The following SHANK2 variants were observed in gnomAD, a reference collection of about 807,000 sequenced individuals.
The protein encoded by SHANK2 is SH3 and multiple ankyrin repeat domains protein 2.
In SHANK2, 43 loss-of-function variants were observed where a neutral mutation model predicts 133.7. The observed-to-expected ratio is 0.32, with a 90% CI of 0.25 to 0.41. The LOEUF (loss-of-function observed/expected upper bound fraction) is 0.41. Ranked by LOEUF, SHANK2 falls within the 10% of genes least tolerant of loss-of-function variation. SHANK2 has a pLI of 1.00. For missense variants in SHANK2, 1,994 were observed against 2,235.8 expected, an observed-to-expected ratio of 0.89 and a Z score of 2.18; for synonymous variants, 1,017 against 952.8, an observed-to-expected ratio of 1.07 and a Z score of -1.24.
chr11:70,515,637 GA>G (rs58440823), intron 17 of SHANK2, among the ~76,000 whole-genome samples: 10,304 of 79,626 alleles, frequency 0.13, 340 homozygotes, highest in East Asian at 0.33. Context: ...CTCGTTCCTT[GA>G]AAAAAAAAAA....
intron 17 of SHANK2, among the ~76,000 whole-genome samples, chr11:70,647,962 G>A (rs1247717202): frequency 1.3e-5 from 2 of 152,172 alleles, no homozygotes; most frequent in East Asian, 1.9e-4. Context: ...GTACAAAAAC[G>A]TTTATGTCGA....
intron 2 of SHANK2, among the ~76,000 whole-genome samples, chr11:71,211,482 G>A (rs1318499869): frequency 1.5e-4 from 23 of 151,774 alleles, no homozygotes; most frequent in African/African-American, 5.6e-4. Flanking sequence ...AAGCTGCAGT[G>A]AGCCACGGTT....
intron 15 of SHANK2, among the ~76,000 whole-genome samples, chr11:70,671,630 C>T (rs1214392736): frequency 6.6e-6 from 1 of 152,242 alleles, no homozygotes; most frequent in Non-Finnish European, 1.5e-5. Context: ...TCAGCAGAGG[C>T]CTGCCCTTGG....
At chr11:70,907,316 G>A (rs1950120307) in intron 10 of SHANK2, among the ~76,000 whole-genome samples, 1 of 152,074 alleles carries the variant, frequency 6.6e-6, no homozygotes, top group African/African-American at 2.4e-5. Context: ...CCAGCCCTCA[G>A]CACCCCTCCC....
At chr11:71,252,799 C>G (rs1056885940), upstream of SHANK2, among the ~76,000 whole-genome samples, 7 of 151,786 alleles carry the variant, frequency 4.6e-5, no homozygotes, top group Non-Finnish European at 8.8e-5. This position sits in a 1 kb window ranked among gnomAD's most constrained non-coding sequence, Gnocchi z 6.3. Context: ...CCCGGGAGAC[C>G]GCGGGGCGCC....
At chr11:70,842,617 A>G (rs1174198925) in intron 11 of SHANK2, among the ~76,000 whole-genome samples, 1 of 152,214 alleles carries the variant, frequency 6.6e-6, no homozygotes, top group African/African-American at 2.4e-5. Context: ...TGGAGCGAGC[A>G]TGAGCCTCAG....
rs1251791006 is a variant in SHANK2 at position 70,750,262 on chromosome 11, C to T, written c.1777+48181G>A. Among the ~76,000 whole-genome samples the T allele has an allele frequency of 4.6e-5, 7 of 152,336 alleles. No homozygotes were observed. In the East Asian group the frequency reaches 1.3e-3, roughly 29 times the overall value. ...TAACAAGTGTGGATAAAAAGAGCTTCAAGAAAAGGGAGCCCCAAGGTTCAG... is the reference window on the plus strand; with the variant it reads ...TAACAAGTGTGGATAAAAAGAGCTTTAAGAAAAGGGAGCCCCAAGGTTCAG... On this transcript the variant is annotated intron_variant, in intron 14 of 25. Transcript: ENST00000601538.
chr11:70,469,823 T>C lies in SHANK2; in HGVS notation c.*3046A>G, dbSNP rs552728532. 262 of 152,792 alleles carry C rather than the reference T, an allele frequency of 1.7e-3. No individual in the cohort carries two copies. The highest frequency in any genetic ancestry group is 6.0e-3 in the African/African-American group (248 of 41,592). 9.5% of individuals were successfully genotyped at this position (152,792 alleles called of 1,614,324 possible). A position where few individuals can be genotyped will look rare whatever the true frequency, so the allele number is the denominator to read the frequency against. ...AAAGTTCAGCAAATCAACAGTCACA[T>C]TGAGTAATTTTTATATTATGTGAAT... is the stretch of plus-strand genomic sequence containing the variant. On this transcript the variant is annotated 3_prime_UTR_variant, in exon 26 of 26. Transcript: ENST00000601538.
chr11:71,085,722 A>ATAT (rs1434210248), intron 8 of SHANK2, among the ~76,000 whole-genome samples: 1 of 67,488 alleles, frequency 1.5e-5, no homozygotes, highest in Non-Finnish European at 2.5e-5. Context: ...ATATTATATT[A>ATAT]TATAAAATAT....
intron 9 of SHANK2, among the ~76,000 whole-genome samples, chr11:71,066,545 G>A (rs1468549630): frequency 1.3e-5 from 2 of 152,118 alleles, no homozygotes; most frequent in South Asian, 2.1e-4. Context: ...CACAGACAAC[G>A]TTGCAACCAG....
At position 70,770,915 on chromosome 11, in the gene SHANK2, C is replaced by CTT. The variant is rs71467419; in HGVS notation, c.1777+27526_1777+27527dup. The stretch of plus-strand genomic sequence containing the variant: ...TCTCTCCTTCCCTCCCTCTTACTTC[C>CTT]TTTTTTTTTTTTTTTTTTTTTTTTT... On this transcript the variant is annotated intron_variant, in intron 14 of 25. Transcript: ENST00000601538. 1.1e-3 allele frequency among the ~76,000 whole-genome samples: 98 copies of CTT among 92,852 alleles called. 4 individuals carry two copies. The highest frequency in any genetic ancestry group is 1.2e-3 in the Non-Finnish European group (62 of 49,640). The allele number at this position is 92,852 out of a possible 152,430, so 60.9% of individuals were successfully genotyped here.
chr11:70,771,717 C>T (rs1591830629), intron 14 of SHANK2, among the ~76,000 whole-genome samples: 5 of 152,180 alleles, frequency 3.3e-5, no homozygotes, highest in Admixed American at 2.6e-4. Context: ...ATTCCAGGAG[C>T]AGCTGGGCTG....
intron 17 of SHANK2, among the ~76,000 whole-genome samples, chr11:70,637,803 G>T (rs1485889615): frequency 1.3e-5 from 2 of 152,202 alleles, no homozygotes; most frequent in Non-Finnish European, 2.9e-5. Context: ...GGCTGCCCAG[G>T]GGAATCCCAA....
At chr11:70,702,052 T>C (rs1485967649) in intron 14 of SHANK2, among the ~76,000 whole-genome samples, 1 of 142,898 alleles carries the variant, frequency 7.0e-6, no homozygotes, top group Non-Finnish European at 1.5e-5. Flanking sequence ...CACCACCATC[T>C]TCTTCACCAT....
In SHANK2 at chr11:71,115,254, G is replaced by A. The variant is rs537348186; in HGVS notation, c.412-1890C>T. Among the ~76,000 whole-genome samples, 14 of 152,242 alleles carry A rather than the reference G, an allele frequency of 9.2e-5. No homozygotes were observed. The East Asian group carries it at 1.7e-3, about 19-fold the overall frequency. ...GAAGCCGAGGCAGGTGGATCAACCT[G>A]AGGCCAGGAGTTTGAGACCAGCCTG... is the stretch of plus-strand genomic sequence containing the variant. On this transcript the variant is annotated intron_variant, in intron 4 of 25. Transcript: ENST00000601538.
At position 70,485,284 on chromosome 11, in the gene SHANK2, G is replaced by A. The variant is rs782146829; in HGVS notation, c.4979+30C>T. ...TCAGCAGGGACAGTGCACGCAGAGC[G>A]GTGTGCATGTGCACCAACCGCGGAC... On this transcript the variant is annotated intron_variant, in intron 25 of 25. Coordinates refer to ENST00000601538, the MANE Select transcript of SHANK2 (RefSeq NM_012309.5). This position sits in a 1 kb window ranked among gnomAD's most constrained non-coding sequence, Gnocchi z 5.8. 50 of 1,569,268 alleles carry A rather than the reference G, an allele frequency of 3.2e-5. No homozygotes were observed. In the Admixed American group the frequency reaches 3.5e-4, roughly 11 times the overall value.
intron 9 of SHANK2, among the ~76,000 whole-genome samples, chr11:71,074,339 T>C (rs1951191025): frequency 6.6e-6 from 1 of 152,178 alleles, no homozygotes; most frequent in Admixed American, 6.5e-5. Context: ...ATCAGGTGTC[T>C]GATGGGCAGG....
chr11:71,059,355 T>G (rs1193748417), intron 9 of SHANK2, among the ~76,000 whole-genome samples: 3 of 152,064 alleles, frequency 2.0e-5, no homozygotes, highest in Non-Finnish European at 2.9e-5. Flanking sequence ...GTGATGGTTG[T>G]TGGTGGTGAT....
intron 2 of SHANK2, among the ~76,000 whole-genome samples, chr11:71,212,702 A>G (rs1366402610): frequency 6.6e-6 from 1 of 152,328 alleles, no homozygotes; most frequent in African/African-American, 2.4e-5. Flanking sequence ...CAAGTCCTCA[A>G]AGGGTTCCAG....
Sources: allele counts gnomAD v4.1 joint callset (sites outside exome capture counted in the v4.1 genomes callset), GRCh38; gene constraint gnomAD v4.1.1; non-coding constraint Gnocchi (gnomAD v3.1); transcripts MANE v1.5; gene names NCBI Gene and HGNC (gene_info 2026-07-23, HGNC 2026-07-21).